Variants in POLGARF observed in about 807,000 individuals in gnomAD.
POLGARF encodes POLG alternative reading frame.
At chr15:89,330,702 A>G in the POLGARF span, among the ~76,000 whole-genome samples, 2 of 152,022 alleles carry the variant, frequency 1.3e-5, no homozygotes, top group East Asian at 3.9e-4. Flanking sequence ...ACAATAACAG[A>G]ACCCAAGGTG....
chr15:89,332,294 C>A, the POLGARF span: 1 of 152,146 alleles, frequency 6.6e-6, no homozygotes, highest in Non-Finnish European at 1.5e-5. Flanking sequence ...AAAGATGTAG[C>A]TTCCAATAGG....
chr15:89,330,704 C>T, the POLGARF span, among the ~76,000 whole-genome samples: 1 of 151,412 alleles, frequency 6.6e-6, no homozygotes, highest in Admixed American at 6.6e-5. Flanking sequence ...AATAACAGAA[C>T]CCAAGGTGGA....
the POLGARF span, chr15:89,332,436 T>A: frequency 6.6e-6 from 1 of 152,110 alleles, no homozygotes; most frequent in South Asian, 2.1e-4. Flanking sequence ...AAAAAGAAAC[T>A]TGGGTAGCAC....
At chr15:89,333,165 A>G in the POLGARF span, 15 of 1,552,796 alleles carry the variant, frequency 9.7e-6, no homozygotes, top group Non-Finnish European at 1.3e-5. Flanking sequence ...CTCCACGTCG[A>G]ACACCAGGGC....
chr15:89,333,309 G>C, the POLGARF span: 5 of 1,556,314 alleles, frequency 3.2e-6, no homozygotes, highest in South Asian at 1.2e-5. Context: ...CTCCAGGTAG[G>C]GCAGGCTCTG....
the POLGARF span, among the ~76,000 whole-genome samples, chr15:89,331,004 G>C: frequency 6.6e-6 from 1 of 152,198 alleles, no homozygotes; most frequent in African/African-American, 2.4e-5. Context: ...GCTAGGTGTA[G>C]GGGAATGGCC....
chr15:89,333,279 T>C, the POLGARF span: 3 of 1,559,240 alleles, frequency 1.9e-6, no homozygotes, highest in Non-Finnish European at 2.6e-6. Context: ...CAGCTGGGCC[T>C]GCAACAGCAA....
the POLGARF span, chr15:89,333,736 T>A: frequency 6.5e-7 from 1 of 1,535,470 alleles, no homozygotes; most frequent in Non-Finnish European, 8.7e-7. Flanking sequence ...GCCACCTTCC[T>A]CCAGAGCAGG....
the POLGARF span, among the ~76,000 whole-genome samples, chr15:89,331,784 A>G: frequency 9.5e-6 from 1 of 105,412 alleles, no homozygotes. Context: ...ACCCCCACCC[A>G]CCAGTCAGAC....
the POLGARF span, among the ~76,000 whole-genome samples, chr15:89,331,056 A>C: frequency 6.6e-6 from 1 of 152,200 alleles, no homozygotes; most frequent in South Asian, 2.1e-4. Flanking sequence ...TATTCTAAAC[A>C]ATCAAGGCCC....
At chr15:89,333,042 CTA>C in the POLGARF span, 1 of 1,498,800 alleles carries the variant, frequency 6.7e-7, no homozygotes, top group Admixed American at 2.3e-5. Flanking sequence ...CTGAAACAAA[CTA>C]TTAAGCTGGG....
chr15:89,333,357 T>C, the POLGARF span: 154 of 1,572,026 alleles, frequency 9.8e-5, no homozygotes, highest in Non-Finnish European at 1.2e-4. Flanking sequence ...GTCCAGGTTG[T>C]CCCCGTAGAG....
chr15:89,332,903 T>C, the POLGARF span, among the ~76,000 whole-genome samples: 1 of 152,168 alleles, frequency 6.6e-6, no homozygotes, highest in Non-Finnish European at 1.5e-5. Flanking sequence ...TACTTGGGTA[T>C]TTGCTTACTG....
the POLGARF span, chr15:89,333,473 C>T: frequency 2.5e-6 from 4 of 1,612,112 alleles, no homozygotes; most frequent in Admixed American, 1.7e-5. Flanking sequence ...CCTCGCCAGG[C>T]ATCTCCCCTC....
the POLGARF span, among the ~76,000 whole-genome samples, chr15:89,330,517 C>G: frequency 1.3e-5 from 2 of 152,186 alleles, no homozygotes; most frequent in Non-Finnish European, 2.9e-5. Context: ...AATGGAACTA[C>G]TGGGCTATTA....
At chr15:89,330,751 A>C in the POLGARF span, among the ~76,000 whole-genome samples, 1 of 114,978 alleles carries the variant, frequency 8.7e-6, no homozygotes, top group African/African-American at 4.2e-5. Flanking sequence ...AAAAATGACA[A>C]ATGCTGCTGC....
chr15:89,332,599 C>CG, the POLGARF span, among the ~76,000 whole-genome samples: 1 of 810 alleles, frequency 1.2e-3, no homozygotes, highest in Non-Finnish European at 1.8e-3. Flanking sequence ...ACGTTGCCGG[C>CG]GGGGGCAGGG....
the POLGARF span, chr15:89,333,363 T>C: frequency 3.8e-6 from 6 of 1,575,294 alleles, no homozygotes; most frequent in South Asian, 2.3e-5. Context: ...GTTGTCCCCG[T>C]AGAGGGGCGG....
chr15:89,333,596 TTGCTGCTGC>T, the POLGARF span: 3,831 of 1,598,086 alleles, frequency 2.4e-3, 6 homozygotes, highest in Middle Eastern at 3.5e-3. Context: ...GAGGCTGCTG[TTGCTGCTGC>T]TGCTGCTGCT....
Sources: allele counts gnomAD v4.1 joint callset (sites outside exome capture counted in the v4.1 genomes callset), GRCh38; gene constraint gnomAD v4.1.1; transcripts MANE v1.5; gene names NCBI Gene and HGNC (gene_info 2026-07-23, HGNC 2026-07-21).